The following PHF21A variants were observed in gnomAD, a reference collection of about 807,000 sequenced individuals.
PHF21A encodes BHC80a.
A neutral mutation model predicts 82.5 loss-of-function variants in PHF21A; 11 were observed. The ratio of observed to expected loss-of-function variants is 0.13; its 90% confidence interval spans 0.08 to 0.22. The LOEUF is 0.22. PHF21A is among the 10% of genes least tolerant of loss of function. PHF21A has a pLI of 1.00. For synonymous variants in PHF21A, 297 were observed against 302.8 expected (o/e 0.98, Z 0.20); for missense variants, 579 against 837.8 (o/e 0.69, Z 3.81).
At chr11:45,979,641 A>AT in intron 7 of PHF21A, 119 bp downstream of exon 7, 1 of 1,405,006 alleles carries the variant, frequency 7.1e-7, no homozygotes. Flanking sequence ...AGCAATCAAA[A>AT]TAACTTTTGT....
chr11:46,043,730 T>G (rs2096201612), intron 6 of PHF21A, among the ~76,000 whole-genome samples: 1 of 152,008 alleles, frequency 6.6e-6, no homozygotes, highest in Non-Finnish European at 1.5e-5. Flanking sequence ...AAGCAAACAT[T>G]CCATCCTGAA....
At chr11:46,070,720 T>TA (rs2096647471) in intron 6 of PHF21A, among the ~76,000 whole-genome samples, 1 of 151,596 alleles carries the variant, frequency 6.6e-6, no homozygotes, top group Non-Finnish European at 1.5e-5. Context: ...TAAAAAGGAG[T>TA]AAAAAGAAAT....
chr11:46,042,284 T>A (rs2096162560), intron 6 of PHF21A, among the ~76,000 whole-genome samples: 1 of 152,154 alleles, frequency 6.6e-6, no homozygotes, highest in Non-Finnish European at 1.5e-5. Flanking sequence ...TGAACCAAAC[T>A]TTAAGATTGC....
intron 6 of PHF21A, among the ~76,000 whole-genome samples, chr11:45,988,205 C>CT (rs1047601844): frequency 1.3e-5 from 2 of 152,108 alleles, no homozygotes; most frequent in African/African-American, 4.8e-5. Context: ...GAATCAGATG[C>CT]TAGAAGAGGT....
chr11:46,010,346 T>A (rs941852551), intron 6 of PHF21A, among the ~76,000 whole-genome samples: 1 of 152,218 alleles, frequency 6.6e-6, no homozygotes, highest in Non-Finnish European at 1.5e-5. Context: ...TTCTCTTAAA[T>A]ACATTATGTT....
At chr11:46,030,830 C>CGTGTGTGTGTGTGTGTGT (rs71038879) in intron 6 of PHF21A, among the ~76,000 whole-genome samples, 1 of 142,212 alleles carries the variant, frequency 7.0e-6, no homozygotes, top group Non-Finnish European at 1.5e-5. Context: ...CGTGTGTGTG[C>CGTGTGTGTGTGTGTGTGT]GTGTGTGTGT....
At chr11:46,040,429 A>G (rs765784597) in intron 6 of PHF21A, among the ~76,000 whole-genome samples, 21 of 152,216 alleles carry the variant, frequency 1.4e-4, no homozygotes, top group Admixed American at 6.5e-4. Context: ...CAATCTAATT[A>G]TAAGTAGAAG....
At chr11:45,944,612 T>C (rs1042057438) in intron 15 of PHF21A, among the ~76,000 whole-genome samples, 1 of 152,200 alleles carries the variant, frequency 6.6e-6, no homozygotes, top group Admixed American at 6.5e-5. Flanking sequence ...CCTCTTGCTT[T>C]TCTTTCAGGA....
At chr11:46,069,683 C>G (rs1440350116) in intron 6 of PHF21A, among the ~76,000 whole-genome samples, 2 of 152,132 alleles carry the variant, frequency 1.3e-5, no homozygotes, top group Non-Finnish European at 2.9e-5. Context: ...ATGAAGAGTA[C>G]AGCAATCTGG....
chr11:46,031,066 C>T (rs2095858772), intron 6 of PHF21A, among the ~76,000 whole-genome samples: 1 of 152,126 alleles, frequency 6.6e-6, no homozygotes, highest in South Asian at 2.1e-4. Context: ...GTACGACAAG[C>T]GATCACGTAG....
chr11:45,959,791 C>G (rs1046268634), intron 10 of PHF21A, among the ~76,000 whole-genome samples: 1 of 152,122 alleles, frequency 6.6e-6, no homozygotes, highest in African/African-American at 2.4e-5. Flanking sequence ...ATTTGCAAAT[C>G]ATGTAACTGG....
At chr11:46,075,092 A>G (rs1247403772) in intron 6 of PHF21A, among the ~76,000 whole-genome samples, 1 of 152,224 alleles carries the variant, frequency 6.6e-6, no homozygotes, top group Non-Finnish European at 1.5e-5. Flanking sequence ...AGTTCAGAGA[A>G]CAATTAGAGC....
At chr11:45,996,428 A>G (rs1274391749) in intron 6 of PHF21A, among the ~76,000 whole-genome samples, 1 of 152,182 alleles carries the variant, frequency 6.6e-6, no homozygotes, top group Non-Finnish European at 1.5e-5. Context: ...TCACTTAAAA[A>G]ATATGCTGGT....
chr11:46,118,573 C>T (rs1852060003), intron 1 of PHF21A, among the ~76,000 whole-genome samples: 1 of 152,066 alleles, frequency 6.6e-6, no homozygotes, highest in African/African-American at 2.4e-5. Flanking sequence ...TAAACATTAG[C>T]ATAACTGTAC....
At chr11:46,046,289 C>T (rs1035450557) in intron 6 of PHF21A, among the ~76,000 whole-genome samples, 103 of 152,298 alleles carry the variant, frequency 6.8e-4, no homozygotes, top group African/African-American at 2.4e-3. Context: ...TGGGGCCATC[C>T]TCCTATGGGG....
intron 1 of PHF21A, among the ~76,000 whole-genome samples, chr11:46,114,821 C>A (rs749564346): frequency 1.3e-4 from 20 of 152,208 alleles, no homozygotes; most frequent in Non-Finnish European, 2.8e-4. Flanking sequence ...TTCCTTTCTG[C>A]TGCTCCTTCT....
At chr11:46,096,876 A>G (rs1367964757) in intron 1 of PHF21A, among the ~76,000 whole-genome samples, 1 of 152,116 alleles carries the variant, frequency 6.6e-6, no homozygotes, top group East Asian at 1.9e-4. Context: ...CAACACATCC[A>G]AAACTAAACT....
At chr11:46,018,268 A>T (rs1339721539) in intron 6 of PHF21A, among the ~76,000 whole-genome samples, 2 of 151,304 alleles carry the variant, frequency 1.3e-5, no homozygotes, top group African/African-American at 2.4e-5. Flanking sequence ...AAAAAAAAAA[A>T]TGTGTCCTAT....
At chr11:46,020,918 TC>T (rs1202167536) in intron 6 of PHF21A, among the ~76,000 whole-genome samples, 1 of 152,120 alleles carries the variant, frequency 6.6e-6, no homozygotes, top group South Asian at 2.1e-4. Flanking sequence ...ATCTGAAAAA[TC>T]CATTGTAAAC....
Sources: allele counts gnomAD v4.1 joint callset (sites outside exome capture counted in the v4.1 genomes callset), GRCh38; gene constraint gnomAD v4.1.1; transcripts MANE v1.5; gene names NCBI Gene and HGNC (gene_info 2026-07-23, HGNC 2026-07-21).